Variants in NTN1 observed in about 807,000 individuals in gnomAD.
The protein encoded by NTN1 is netrin 1, also known as netrin-1.
NTN1 carries 11 observed loss-of-function variants against 54.2 expected under a neutral mutation model. The observed-to-expected ratio is 0.20, with a 90% CI of 0.13 to 0.34. The LOEUF (loss-of-function observed/expected upper bound fraction) is 0.34. NTN1 is among the 10% of genes least tolerant of loss of function. The pLI is 1.00. For synonymous variants in NTN1, 371 were observed against 382.0 expected (o/e 0.97, Z 0.33); for missense variants, 740 against 893.1 (o/e 0.83, Z 2.18).
At position 9,205,783 on chromosome 17, in the gene NTN1, G is replaced by A. The variant is rs561886428; in HGVS notation, c.1412-15385G>A. The stretch of plus-strand genomic sequence containing the variant: ...CTGTGTTAGGGAATGGGCCCCCACC[G>A]GCCAGTGACTTTGGATGCTGAACAC... On this transcript the variant is annotated intron_variant, in intron 5 of 6. Coordinates refer to ENST00000173229, the MANE Select transcript of NTN1 (RefSeq NM_004822.3). Among the ~76,000 whole-genome samples, 9 of 152,354 alleles carry A rather than the reference G, an allele frequency of 5.9e-5. No homozygotes were observed. The East Asian group carries it at 1.7e-3, about 29-fold the overall frequency.
chr17:9,211,319 T>A lies in NTN1; in HGVS notation c.1412-9849T>A, dbSNP rs1394499648. 6.6e-6 allele frequency among the ~76,000 whole-genome samples: 1 copy of A among 152,118 alleles called. No homozygotes were observed. Among genetic ancestry groups the A allele is most frequent in the African/African-American group, 2.4e-5 (1 of 41,426 alleles). The stretch of plus-strand genomic sequence containing the variant: ...GATCCCTTGTCATCTGAGTGTCACC[T>A]CCTGGGATGGGTCTAAGTAGGTCTC... On this transcript the variant is annotated intron_variant, in intron 5 of 6. Coordinates refer to ENST00000173229, the MANE Select transcript of NTN1 (RefSeq NM_004822.3). The surrounding 1 kb of genome is among the most constrained non-coding windows in gnomAD (Gnocchi z 4.4).
chr17:9,086,715 A>G (rs896246764), intron 2 of NTN1, among the ~76,000 whole-genome samples: 2 of 152,012 alleles, frequency 1.3e-5, no homozygotes, highest in Admixed American at 6.6e-5. Context: ...CAATATCACT[A>G]TCTCCTTTAC....
rs114663798 is a variant in NTN1 at position 9,170,472 on chromosome 17, C to T, written c.1207+7471C>T. Among the ~76,000 whole-genome samples, 961 of 152,342 alleles carry T rather than the reference C, an allele frequency of 6.3e-3. 8 individuals carry two copies. The highest frequency in any genetic ancestry group is 0.022 in the African/African-American group (913 of 41,580). On this transcript the variant is annotated intron_variant, in intron 3 of 6. Coordinates refer to ENST00000173229, the MANE Select transcript of NTN1 (RefSeq NM_004822.3). ...ACCGGCCCCTCTTGCTTGAAGGGCT[C>T]AGCCCCAGTGTGGACTTGGCAGCCA... is the stretch of plus-strand genomic sequence containing the variant.
At chr17:9,007,234 TTC>T in the NTN1 span, among the ~76,000 whole-genome samples, 4 of 151,670 alleles carry the variant, frequency 2.6e-5, no homozygotes, top group African/African-American at 7.3e-5. Flanking sequence ...TCTGTTTCTT[TTC>T]TTTCTTTCCT....
intron 2 of NTN1, among the ~76,000 whole-genome samples, chr17:9,112,713 T>C (rs1360439756): frequency 1.3e-5 from 2 of 151,206 alleles, no homozygotes; most frequent in Non-Finnish European, 2.9e-5. Flanking sequence ...TAGTCCCAGC[T>C]ACTCGGGAGG....
At chr17:9,043,204 A>G (rs1481428276) in intron 2 of NTN1, among the ~76,000 whole-genome samples, 8 of 152,212 alleles carry the variant, frequency 5.3e-5, no homozygotes, top group Admixed American at 2.0e-4. Context: ...TGCTAATAGC[A>G]AACATTTTTT....
chr17:9,220,012 G>A (rs1393416922), intron 5 of NTN1, among the ~76,000 whole-genome samples: 4 of 152,226 alleles, frequency 2.6e-5, no homozygotes, highest in African/African-American at 7.2e-5. Context: ...GGCCAGCCTG[G>A]CTGGTCTTCC....
intron 2 of NTN1, among the ~76,000 whole-genome samples, chr17:9,099,340 G>T (rs1345915229): frequency 6.6e-6 from 1 of 152,194 alleles, no homozygotes; most frequent in Non-Finnish European, 1.5e-5. Context: ...GGGAGACGGA[G>T]GTTGCAGTGA....
chr17:9,129,575 T>C (rs557344404), intron 2 of NTN1, among the ~76,000 whole-genome samples: 29 of 152,306 alleles, frequency 1.9e-4, no homozygotes, highest in African/African-American at 6.5e-4. Flanking sequence ...AAGGAAAGTA[T>C]AAATGAAATC....
intron 2 of NTN1, among the ~76,000 whole-genome samples, chr17:9,132,901 C>G (rs890591877): frequency 3.3e-5 from 5 of 152,130 alleles, no homozygotes; most frequent in African/African-American, 1.2e-4. Context: ...GACACGTCCA[C>G]ACTGATAATA....
chr17:9,131,536 C>A (rs914183897), intron 2 of NTN1, among the ~76,000 whole-genome samples: 3 of 150,880 alleles, frequency 2.0e-5, no homozygotes, highest in African/African-American at 7.3e-5. Context: ...GAGGGCTGGG[C>A]TGTGCTCGGT....
chr17:9,036,410 T>G (rs928170446), intron 2 of NTN1, among the ~76,000 whole-genome samples: 2 of 59,630 alleles, frequency 3.4e-5, no homozygotes, highest in South Asian at 6.1e-4. Context: ...TTTTTTTTTT[T>G]GTAGAGACAG....
chr17:9,138,730 C>T (rs1263948171), intron 2 of NTN1, among the ~76,000 whole-genome samples: 1 of 152,050 alleles, frequency 6.6e-6, no homozygotes, highest in Non-Finnish European at 1.5e-5. Flanking sequence ...GTGTTAGGTA[C>T]CAGGGAGGGG....
At chr17:9,168,486 T>C (rs1367824449) in intron 3 of NTN1, among the ~76,000 whole-genome samples, 3 of 151,530 alleles carry the variant, frequency 2.0e-5, no homozygotes, top group Admixed American at 1.3e-4. Context: ...GAGCCGAGAT[T>C]GCGCCATTGC....
At chr17:9,132,780 AGGAGATTCACTTGAACCCAGGAGGT>A (rs2092269802) in intron 2 of NTN1, among the ~76,000 whole-genome samples, 1 of 152,178 alleles carries the variant, frequency 6.6e-6, no homozygotes, top group South Asian at 2.1e-4. Context: ...AGGCTGAGGC[AGGAGATTCACTTGAACCCAGGAGGT>A]GGAGATTGTG....
At chr17:9,079,169 T>C (rs1474930283) in intron 2 of NTN1, among the ~76,000 whole-genome samples, 1 of 152,196 alleles carries the variant, frequency 6.6e-6, no homozygotes, top group East Asian at 1.9e-4. Context: ...GAGGTTGTGA[T>C]GGAAGGACCC....
chr17:9,164,151 G>A (rs572386877), intron 3 of NTN1, among the ~76,000 whole-genome samples: 22 of 152,376 alleles, frequency 1.4e-4, no homozygotes, highest in Middle Eastern at 3.4e-3. Context: ...AGGGCCCAGT[G>A]CAAAATGAAA....
intron 2 of NTN1, among the ~76,000 whole-genome samples, chr17:9,026,302 G>T (rs2091870291): frequency 5.3e-5 from 8 of 151,172 alleles, no homozygotes; most frequent in Admixed American, 5.3e-4. Context: ...TTTCTTTTCG[G>T]TGTTGTTTCA....
In NTN1 at chr17:9,092,903, T is replaced by C. The variant is rs1298094660; in HGVS notation, c.1018+69512T>C. On this transcript the variant is annotated intron_variant, in intron 2 of 6. Transcript: ENST00000173229. ...CCTCCTGAGTAGCTGGGACTACGGGTGCCCACCACCACGCCCGGCTAATTT... is the reference window on the plus strand; with the variant it reads ...CCTCCTGAGTAGCTGGGACTACGGGCGCCCACCACCACGCCCGGCTAATTT... 5.3e-5 allele frequency among the ~76,000 whole-genome samples: 8 copies of C among 152,212 alleles called. No individual in the cohort carries two copies. The South Asian group carries it at 8.3e-4, about 16-fold the overall frequency.
Sources: gnomAD v4.1 joint callset for allele counts (sites outside exome capture counted in the v4.1 genomes callset) on GRCh38, gnomAD v4.1.1 for gene constraint, Gnocchi (gnomAD v3.1) non-coding constraint, MANE v1.5 for transcripts, NCBI Gene and HGNC (gene_info 2026-07-23, HGNC 2026-07-21) for gene names.